PCDHA9: variants seen among roughly 807,000 people sequenced by gnomAD.
PCDHA9 encodes protocadherin alpha-9.
A neutral mutation model predicts 62.0 loss-of-function variants in PCDHA9; 62 were observed. That is an observed-to-expected ratio of 1.00 (90% CI 0.81 to 1.23). The LOEUF (loss-of-function observed/expected upper bound fraction) is 1.23. Among genes scored for constraint, PCDHA9 ranks in the 50% most tolerant of loss-of-function variants. The pLI is 0.00. For missense variants in PCDHA9, 1,205 were observed against 1,249.8 expected (o/e 0.96, Z 0.54); for synonymous variants, 557 against 567.6 (o/e 0.98, Z 0.27).
intron 1 of PCDHA9, chr5:140,858,267 C>G: frequency 6.3e-7 from 1 of 1,597,232 alleles, no homozygotes; most frequent in Non-Finnish European, 8.6e-7. Context: ...CTGGTGTGCT[C>G]TAGCGCGGTG....
intron 1 of PCDHA9, chr5:140,875,830 G>A (rs782702520): frequency 4.6e-5 from 75 of 1,614,104 alleles, no homozygotes; most frequent in East Asian, 8.9e-5. Flanking sequence ...TTTCCATGTG[G>A]ACGTGGAGGT....
intron 1 of PCDHA9, among the ~76,000 whole-genome samples, chr5:140,922,507 C>G (rs2080870221): frequency 1.3e-5 from 2 of 152,154 alleles, no homozygotes; most frequent in Non-Finnish European, 2.9e-5. Flanking sequence ...AGCAGATGCA[C>G]CATTATTTCA....
At chr5:141,000,376 T>C (rs2097906883) in intron 3 of PCDHA9, among the ~76,000 whole-genome samples, 1 of 58,410 alleles carries the variant, frequency 1.7e-5, no homozygotes, top group Non-Finnish European at 3.2e-5. Flanking sequence ...TCTCTCTCTC[T>C]CTCTCTCTCT....
intron 1 of PCDHA9, among the ~76,000 whole-genome samples, chr5:140,887,550 TACTG>T (rs2061493394): frequency 1.3e-5 from 2 of 152,206 alleles, no homozygotes; most frequent in Non-Finnish European, 2.9e-5. Flanking sequence ...CCCTCATGGT[TACTG>T]TTAAAACTTT....
intron 1 of PCDHA9, among the ~76,000 whole-genome samples, chr5:140,917,183 A>T (rs2077937210): frequency 6.6e-6 from 1 of 152,132 alleles, no homozygotes; most frequent in African/African-American, 2.4e-5. Flanking sequence ...GTGATCCCAG[A>T]GTGTCTCTCC....
At chr5:140,858,256 G>T in intron 1 of PCDHA9, 1 of 1,596,658 alleles carries the variant, frequency 6.3e-7, no homozygotes. Flanking sequence ...TGAAGCCCAC[G>T]CTGGTGTGCT....
intron 1 of PCDHA9, among the ~76,000 whole-genome samples, chr5:140,945,121 C>T (rs1412218992): frequency 6.6e-6 from 1 of 152,042 alleles, no homozygotes; most frequent in East Asian, 1.9e-4. Context: ...GATAAAAAAT[C>T]AACTTACAAA....
intron 1 of PCDHA9, chr5:140,853,041 C>G (rs1158374492): frequency 1.9e-5 from 5 of 267,262 alleles, no homozygotes; most frequent in Non-Finnish European, 3.0e-5. Context: ...ACCATGCCCG[C>G]CTAATTTTTT....
intron 1 of PCDHA9, chr5:140,870,827 C>T (rs782048793): frequency 8.1e-6 from 13 of 1,613,648 alleles, no homozygotes; most frequent in Non-Finnish European, 9.3e-6. Context: ...GCGGGAGGCG[C>T]AGTTAACAAG....
intron 1 of PCDHA9, among the ~76,000 whole-genome samples, chr5:140,904,088 TA>T (rs1486110849): frequency 9.8e-5 from 15 of 152,340 alleles, no homozygotes; most frequent in Admixed American, 2.6e-4. Flanking sequence ...GTTACATGAA[TA>T]ACTACTTTAG....
intron 1 of PCDHA9, chr5:140,876,193 G>A: frequency 6.2e-7 from 1 of 1,613,950 alleles, no homozygotes; most frequent in Non-Finnish European, 8.5e-7. Flanking sequence ...CAATGGTCCG[G>A]CGTTTGATAA....
At chr5:140,888,686 T>C (rs1326536229) in intron 1 of PCDHA9, among the ~76,000 whole-genome samples, 1 of 152,214 alleles carries the variant, frequency 6.6e-6, no homozygotes, top group Non-Finnish European at 1.5e-5. Context: ...AAGAGGTCTC[T>C]CTTCTCTGAT....
chr5:140,859,686 T>C (rs2045967077), intron 1 of PCDHA9: 1 of 154,726 alleles, frequency 6.5e-6, no homozygotes, highest in African/African-American at 2.4e-5. Context: ...AAAATTAAAA[T>C]TATTGTTCAA....
chr5:140,961,748 A>G (rs2095633419), intron 1 of PCDHA9, among the ~76,000 whole-genome samples: 1 of 152,184 alleles, frequency 6.6e-6, no homozygotes, highest in Non-Finnish European at 1.5e-5. Flanking sequence ...GTAATATTAC[A>G]GTTTTGAAGG....
chr5:140,870,229 C>G, intron 1 of PCDHA9: 3 of 1,614,164 alleles, frequency 1.9e-6, no homozygotes, highest in Non-Finnish European at 2.5e-6. Flanking sequence ...CGTGTCTGAC[C>G]GTGACTCAGG....
At chr5:140,913,122 C>A (rs2076217505) in intron 1 of PCDHA9, among the ~76,000 whole-genome samples, 1 of 152,158 alleles carries the variant, frequency 6.6e-6, no homozygotes, top group African/African-American at 2.4e-5. Context: ...TGGAAGTTAA[C>A]CCCTCCTCTA....
chr5:140,998,059 C>T (rs1471709750), intron 3 of PCDHA9, among the ~76,000 whole-genome samples: 1 of 152,154 alleles, frequency 6.6e-6, no homozygotes, highest in East Asian at 1.9e-4. Context: ...ACATCATCAT[C>T]AACAGACTTA....
chr5:140,942,926 GAA>G (rs1554215307), intron 1 of PCDHA9, among the ~76,000 whole-genome samples: 2 of 151,984 alleles, frequency 1.3e-5, no homozygotes, highest in East Asian at 3.9e-4. Flanking sequence ...AAAAAAAATT[GAA>G]AAAGAGTTTA....
At chr5:140,920,812 C>T (rs575249440) in intron 1 of PCDHA9, among the ~76,000 whole-genome samples, 126 of 151,392 alleles carry the variant, frequency 8.3e-4, no homozygotes, top group Admixed American at 2.4e-3. Flanking sequence ...CCACTGCACT[C>T]CAGCCTGGCG....
Sources: allele counts gnomAD v4.1 joint callset (sites outside exome capture counted in the v4.1 genomes callset), GRCh38; gene constraint gnomAD v4.1.1; transcripts MANE v1.5; gene names NCBI Gene and HGNC (gene_info 2026-07-23, HGNC 2026-07-21).